Variants in ATG2B observed in about 807,000 individuals in gnomAD.
ATG2B encodes the protein autophagy related 2B, also known as autophagy-related protein 2 homolog B.
ATG2B carries 121 observed loss-of-function variants against 241.3 expected under a neutral mutation model. That is an observed-to-expected ratio of 0.50 (90% CI 0.43 to 0.58). ATG2B has a LOEUF of 0.58. Ranked by LOEUF, ATG2B falls within the 20% of genes least tolerant of loss-of-function variation. The probability of loss-of-function intolerance (pLI) is 0.00; values close to 1 mark genes in which losing one functional copy is unlikely to be tolerated. For missense variants in ATG2B, 2,306 were observed against 2,491.6 expected, an observed-to-expected ratio of 0.93 and a Z score of 1.59; for synonymous variants, 858 against 876.6, an observed-to-expected ratio of 0.98 and a Z score of 0.37.
chr14:96,300,515 T>C (rs1404941422), intron 34 of ATG2B, among the ~76,000 whole-genome samples: 1 of 152,086 alleles, frequency 6.6e-6, no homozygotes, highest in African/African-American at 2.4e-5. Context: ...TGAGACACTG[T>C]GGCGGGGGAA....
chr14:96,340,032 T>A (rs190750500), intron 6 of ATG2B, among the ~76,000 whole-genome samples: 65 of 143,652 alleles, frequency 4.5e-4, no homozygotes, highest in African/African-American at 1.4e-3. Context: ...ACTATTCACA[T>A]AGTGAATATA....
intron 6 of ATG2B, 73 bp from the exon 7 acceptor site, chr14:96,334,574 T>A: frequency 1.2e-6 from 1 of 823,590 alleles, no homozygotes; most frequent in Non-Finnish European, 1.9e-6. Flanking sequence ...TCAGTATATT[T>A]TAATGAACTG....
chr14:96,283,405 G>C lies in ATG2B; in HGVS notation c.*2350C>G, dbSNP rs1255732045. The stretch of plus-strand genomic sequence containing the variant: ...CTGCTCCGCGTGTGATGTCGCCAGA[G>C]AGGACTCTCACTGGACGAGGCCCAG... On this transcript the variant is annotated 3_prime_UTR_variant, in exon 42 of 42. Transcript: ENST00000359933. The C allele has an allele frequency of 3.3e-5, 5 of 152,290 alleles. No individual in the cohort carries two copies. Among genetic ancestry groups the C allele is most frequent in the Admixed American group, 3.3e-4 (5 of 15,278 alleles). 9.4% of individuals were successfully genotyped at this position (152,290 alleles called of 1,614,324 possible).
intron 14 of ATG2B, among the ~76,000 whole-genome samples, chr14:96,326,549 C>T (rs1211093036): frequency 6.6e-6 from 1 of 152,074 alleles, no homozygotes; most frequent in Admixed American, 6.6e-5. Flanking sequence ...AGCCATCTTA[C>T]AATAAAAGGG....
chr14:96,307,091 C>G (rs902375337), intron 29 of ATG2B, among the ~76,000 whole-genome samples, 175 bp from the exon 30 acceptor site: 3 of 132,490 alleles, frequency 2.3e-5, no homozygotes, highest in African/African-American at 7.5e-5. Context: ...CACCAAAACA[C>G]CTCAGCAAGA....
At chr14:96,315,827 T>C (rs978913497) in intron 21 of ATG2B, among the ~76,000 whole-genome samples, 1 of 152,072 alleles carries the variant, frequency 6.6e-6, no homozygotes, top group African/African-American at 2.4e-5. Flanking sequence ...TAGAAAACTA[T>C]CACAAACATC....
At position 96,359,550 on chromosome 14, in the gene ATG2B, C is replaced by T. The variant is rs190217967; in HGVS notation, c.162+3265G>A. Among the ~76,000 whole-genome samples the T allele has an allele frequency of 3.3e-3, 503 of 152,194 alleles. 2 individuals are homozygous for T. Among genetic ancestry groups the T allele is most frequent in the Non-Finnish European group, 5.8e-3 (392 of 68,004 alleles). ...CTGAATCGATTAATGAAAGAAATTC[C>T]ATTTAAAAATCAAAAATAAAGGCAC... On this transcript the variant is annotated intron_variant, in intron 1 of 41. Transcript: ENST00000359933.
At chr14:96,291,569 A>T in intron 38 of ATG2B, 31 bp downstream of exon 38, 1 of 1,506,598 alleles carries the variant, frequency 6.6e-7, no homozygotes, top group Non-Finnish European at 9.1e-7. Flanking sequence ...TGATAACTTC[A>T]CTTAAAGCTT....
In ATG2B at chr14:96,331,368, G is replaced by C; in HGVS notation, c.1730+8C>G. The C allele has an allele frequency of 1.2e-6, 2 of 1,604,608 alleles. No homozygotes were observed. Among genetic ancestry groups the C allele is most frequent in the South Asian group, 2.2e-5 (2 of 89,202 alleles). ...TAAAGGATCATTAATACATATGTGA[G>C]AGTTTACCTAAGGTGATCGTGTGAG... is the stretch of plus-strand genomic sequence containing the variant. On this transcript the variant is annotated splice_region_variant and intron_variant, in intron 11 of 41. Coordinates refer to ENST00000359933, the MANE Select transcript of ATG2B (RefSeq NM_018036.7).
At chr14:96,308,266 ATATATATATATATATATTTTTT>A (rs1887042530) in intron 29 of ATG2B, among the ~76,000 whole-genome samples, 4 of 15,550 alleles carry the variant, frequency 2.6e-4, no homozygotes, top group Non-Finnish European at 3.9e-4. Context: ...ACATATATAT[ATATATATATATATATATTTTTT>A]TTTTTTTTTT....
chr14:96,339,485 T>C (rs796210982), intron 6 of ATG2B, among the ~76,000 whole-genome samples: 6 of 151,988 alleles, frequency 3.9e-5, no homozygotes, highest in African/African-American at 1.4e-4. Flanking sequence ...CACATATATA[T>C]ACACCATATA....
intron 6 of ATG2B, among the ~76,000 whole-genome samples, chr14:96,341,259 G>A (rs777743852): frequency 5.9e-5 from 9 of 152,020 alleles, no homozygotes; most frequent in Non-Finnish European, 1.0e-4. Flanking sequence ...TGTCAGTTTC[G>A]AATTGTCGGA....
chr14:96,309,394 C>A, intron 29 of ATG2B, 59 bp downstream of exon 29: 1 of 1,532,254 alleles, frequency 6.5e-7, no homozygotes, highest in South Asian at 1.3e-5. Flanking sequence ...TACGAGAACA[C>A]AAATAAAGTA....
At chr14:96,348,042 A>C (rs1178300652) in intron 1 of ATG2B, among the ~76,000 whole-genome samples, 1 of 152,230 alleles carries the variant, frequency 6.6e-6, no homozygotes, top group Non-Finnish European at 1.5e-5. Context: ...TCCCATGTTT[A>C]CTGCAGCAAT....
intron 18 of ATG2B, among the ~76,000 whole-genome samples, chr14:96,319,913 G>A (rs758320604): frequency 4.6e-5 from 7 of 152,114 alleles, no homozygotes; most frequent in Non-Finnish European, 8.8e-5. Flanking sequence ...CAAACCCTGA[G>A]GAAGTTAGAT....
intron 11 of ATG2B, among the ~76,000 whole-genome samples, chr14:96,329,866 C>T (rs757346278): frequency 1.2e-4 from 18 of 152,120 alleles, no homozygotes; most frequent in Non-Finnish European, 2.2e-4. Context: ...TAAAAATTTA[C>T]ATTGCAAAGG....
At chr14:96,345,146 G>A in intron 3 of ATG2B, 87 bp downstream of exon 3, 3 of 958,260 alleles carry the variant, frequency 3.1e-6, no homozygotes, top group Non-Finnish European at 4.5e-6. Flanking sequence ...CATTCCAATG[G>A]ATTTGCCTTA....
intron 1 of ATG2B, among the ~76,000 whole-genome samples, chr14:96,350,017 G>A (rs2139902873): frequency 6.6e-6 from 1 of 152,236 alleles, no homozygotes; most frequent in South Asian, 2.1e-4. Flanking sequence ...TTAACCAGGT[G>A]TAGTGGCACA....
At chr14:96,362,465 T>A (rs1888677449) in intron 1 of ATG2B, among the ~76,000 whole-genome samples, 2 of 152,182 alleles carry the variant, frequency 1.3e-5, no homozygotes, top group South Asian at 4.1e-4. Flanking sequence ...AGGCAGGGTT[T>A]GTTTGCCACA....
Sources: gnomAD v4.1 joint callset for allele counts (sites outside exome capture counted in the v4.1 genomes callset) on GRCh38, gnomAD v4.1.1 for gene constraint, MANE v1.5 for transcripts, NCBI Gene and HGNC (gene_info 2026-07-23, HGNC 2026-07-21) for gene names.